The following CORO2B variants were observed in gnomAD, a reference collection of about 807,000 sequenced individuals.
CORO2B encodes coronin-2B.
A neutral mutation model predicts 58.8 loss-of-function variants in CORO2B; 26 were observed. That is an observed-to-expected ratio of 0.44 (90% CI 0.32 to 0.61). The LOEUF is 0.61. CORO2B is among the 20% of genes least tolerant of loss of function. The probability of loss-of-function intolerance (pLI) is 0.04; values close to 1 mark genes in which losing one functional copy is unlikely to be tolerated. For synonymous variants in CORO2B, 242 were observed against 253.8 expected (o/e 0.95, Z 0.44); for missense variants, 460 against 645.1 (o/e 0.71, Z 3.11).
intron 2 of CORO2B, among the ~76,000 whole-genome samples, chr15:68,685,491 C>A (rs573386439): frequency 6.6e-6 from 1 of 152,156 alleles, no homozygotes; most frequent in African/African-American, 2.4e-5. Flanking sequence ...GGATTACAGG[C>A]GTGAGCCACC....
chr15:68,721,377 G>A (rs529123225), intron 11 of CORO2B, among the ~76,000 whole-genome samples: 1 of 152,290 alleles, frequency 6.6e-6, no homozygotes, highest in Admixed American at 6.5e-5. Flanking sequence ...GGAAAGTGGT[G>A]CAGTGTAGGT....
chr15:68,665,750 T>C (rs748227595), intron 2 of CORO2B, among the ~76,000 whole-genome samples: 5 of 152,166 alleles, frequency 3.3e-5, no homozygotes, highest in Admixed American at 6.5e-5. Context: ...GATTGTATAC[T>C]AGAAAGCCAT....
intron 2 of CORO2B, among the ~76,000 whole-genome samples, chr15:68,687,917 C>G (rs1903039378): frequency 1.3e-5 from 2 of 152,230 alleles, no homozygotes; most frequent in South Asian, 4.1e-4. Flanking sequence ...ATGACCTAAT[C>G]ACCTCTTATA....
chr15:68,553,924 G>A, the CORO2B span, among the ~76,000 whole-genome samples: 4 of 152,328 alleles, frequency 2.6e-5, no homozygotes, highest in South Asian at 8.3e-4. Context: ...TTATGAGCAG[G>A]GGTGGCTGAA....
chr15:68,633,420 TAA>T (rs897671709), intron 1 of CORO2B, among the ~76,000 whole-genome samples: 1 of 151,170 alleles, frequency 6.6e-6, no homozygotes, highest in East Asian at 1.9e-4. Context: ...AAGTTTAATT[TAA>T]AAAAAAAGTT....
intron 2 of CORO2B, among the ~76,000 whole-genome samples, chr15:68,654,452 A>T (rs775461662): frequency 3.3e-5 from 5 of 152,218 alleles, no homozygotes; most frequent in Non-Finnish European, 5.9e-5. Context: ...GACTCTGTGA[A>T]GTCAAGCCAT....
chr15:68,671,582 G>A (rs758604282), intron 2 of CORO2B, among the ~76,000 whole-genome samples: 1 of 152,170 alleles, frequency 6.6e-6, no homozygotes, highest in Non-Finnish European at 1.5e-5. Flanking sequence ...TAAAGCTGTC[G>A]GCCAGGGCTG....
intron 11 of CORO2B, among the ~76,000 whole-genome samples, chr15:68,720,785 CT>C (rs1268387532): frequency 2.6e-5 from 4 of 152,218 alleles, no homozygotes; most frequent in Non-Finnish European, 5.9e-5. Context: ...CTGCCCTATT[CT>C]GTTCATTTGA....
intron 1 of CORO2B, among the ~76,000 whole-genome samples, chr15:68,625,176 G>A (rs1424208800): frequency 6.6e-6 from 1 of 152,034 alleles, no homozygotes; most frequent in Non-Finnish European, 1.5e-5. Context: ...CAGGTGCCAC[G>A]CAGGGTTTAG....
At chr15:68,585,764 A>G (rs148608255) in intron 1 of CORO2B, among the ~76,000 whole-genome samples, 136 of 152,180 alleles carry the variant, frequency 8.9e-4, no homozygotes, top group Middle Eastern at 3.4e-3. Flanking sequence ...TCCTGCTTAG[A>G]TTTGCCTGTG....
At position 68,601,202 on chromosome 15, in the gene CORO2B, C is replaced by T. The variant is rs184763275; in HGVS notation, c.15+21925C>T. On this transcript the variant is annotated intron_variant, in intron 1 of 11. Transcript: ENST00000261861. ...CACCCTCTCCCCTTAGTGCAGCAAACGTTTCTTGAACATTTCTTGGCTTGA... is the reference window on the plus strand; with the variant it reads ...CACCCTCTCCCCTTAGTGCAGCAAATGTTTCTTGAACATTTCTTGGCTTGA... Among the ~76,000 whole-genome samples, 38 of 152,318 alleles carry T rather than the reference C, an allele frequency of 2.5e-4. 1 individual carries two copies. Among genetic ancestry groups the T allele is most frequent in the African/African-American group, 5.3e-4 (22 of 41,550 alleles).
At chr15:68,641,273 C>A (rs1021704819) in intron 1 of CORO2B, among the ~76,000 whole-genome samples, 1 of 152,162 alleles carries the variant, frequency 6.6e-6, no homozygotes, top group African/African-American at 2.4e-5. Context: ...GCGCTGTGGT[C>A]CCCCAGGATG....
At chr15:68,600,586 C>A (rs947326957) in intron 1 of CORO2B, among the ~76,000 whole-genome samples, 1 of 152,178 alleles carries the variant, frequency 6.6e-6, no homozygotes, top group South Asian at 2.1e-4. Flanking sequence ...GCTGGGGGGT[C>A]TTTTCTGTGG....
chr15:68,701,342 C>G (rs938472068), intron 3 of CORO2B, among the ~76,000 whole-genome samples: 17 of 150,884 alleles, frequency 1.1e-4, no homozygotes, highest in African/African-American at 4.2e-4. Context: ...GACGGAGGCT[C>G]GCTCTGTCGC....
At chr15:68,563,992 G>C in the CORO2B span, among the ~76,000 whole-genome samples, 251 of 152,276 alleles carry the variant, frequency 1.6e-3, no homozygotes, top group Non-Finnish European at 3.1e-3. Context: ...GAAGATGAGG[G>C]AGCTTCCTGG....
Position 68,645,837 on chromosome 15 carries a change from G to A in CORO2B, c.216+477G>A, listed in dbSNP as rs1049426630. On this transcript the variant is annotated intron_variant, in intron 2 of 11. Coordinates refer to ENST00000261861, the MANE Select transcript of CORO2B (RefSeq NM_006091.5). The surrounding 1 kb of genome is among the most constrained non-coding windows in gnomAD (Gnocchi z 4.5). ...CGTCCAGGCTGAAGTTCAATGGCGCGATCTCGGCTCACTGCAACCTCTGCC... is the reference window on the plus strand; with the variant it reads ...CGTCCAGGCTGAAGTTCAATGGCGCAATCTCGGCTCACTGCAACCTCTGCC... 6.6e-6 allele frequency among the ~76,000 whole-genome samples: 1 copy of A among 151,898 alleles called. No individual in the cohort carries two copies. Among genetic ancestry groups the A allele is most frequent in the African/African-American group, 2.4e-5 (1 of 41,338 alleles).
At chr15:68,549,997 C>T in the CORO2B span, among the ~76,000 whole-genome samples, 5 of 86,260 alleles carry the variant, frequency 5.8e-5, no homozygotes, top group Admixed American at 3.3e-4. Context: ...TGCTGGTGAC[C>T]GTGGGCAAGT....
chr15:68,637,761 G>A (rs1901076828), intron 1 of CORO2B, among the ~76,000 whole-genome samples: 2 of 152,056 alleles, frequency 1.3e-5, no homozygotes, highest in African/African-American at 4.8e-5. Flanking sequence ...ACATTACACA[G>A]CTGTTTCCCA....
chr15:68,579,757 C>T (rs974351263), intron 1 of CORO2B, among the ~76,000 whole-genome samples: 12 of 152,192 alleles, frequency 7.9e-5, no homozygotes, highest in African/African-American at 2.9e-4. Context: ...AGCGCTGGCT[C>T]CACTCCAAAG....
Sources: allele counts gnomAD v4.1 joint callset (sites outside exome capture counted in the v4.1 genomes callset), GRCh38; gene constraint gnomAD v4.1.1; non-coding constraint Gnocchi (gnomAD v3.1); transcripts MANE v1.5; gene names NCBI Gene and HGNC (gene_info 2026-07-23, HGNC 2026-07-21).